The following PDE8B variants were observed in gnomAD, a reference collection of about 807,000 sequenced individuals.
PDE8B encodes phosphodiesterase 8B, also known as high affinity cAMP-specific and IBMX-insensitive 3',5'-cyclic phosphodiesterase 8B.
In PDE8B, 26 loss-of-function variants were observed where a neutral mutation model predicts 101.3. That is an observed-to-expected ratio of 0.26 (90% CI 0.19 to 0.36). PDE8B has a LOEUF of 0.36. Ranked by LOEUF, PDE8B falls within the 10% of genes least tolerant of loss-of-function variation. The pLI, the probability that PDE8B is intolerant of heterozygous loss-of-function variation, is 1.00. For missense variants in PDE8B, 810 were observed against 1,163.1 expected (o/e 0.70, Z 4.42); for synonymous variants, 424 against 429.3 (o/e 0.99, Z 0.15).
At chr5:77,334,914 C>T (rs1227456241) in intron 5 of PDE8B, among the ~76,000 whole-genome samples, 3 of 152,186 alleles carry the variant, frequency 2.0e-5, no homozygotes, top group Non-Finnish European at 4.4e-5. Context: ...AACTCAGTTT[C>T]CCCCTCCTCT....
intron 1 of PDE8B, among the ~76,000 whole-genome samples, chr5:77,280,252 C>T (rs1359671131): frequency 1.3e-5 from 2 of 152,174 alleles, no homozygotes; most frequent in East Asian, 3.9e-4. Flanking sequence ...TGCATGGTGT[C>T]TAGCCCTTCT....
the PDE8B span, among the ~76,000 whole-genome samples, chr5:77,169,077 G>A: frequency 3.9e-5 from 6 of 152,208 alleles, no homozygotes; most frequent in Non-Finnish European, 7.3e-5. Flanking sequence ...GAGAGTTGGC[G>A]CAGTGCCAGC....
intron 1 of PDE8B, among the ~76,000 whole-genome samples, chr5:77,217,245 G>A (rs1449221536): frequency 6.6e-6 from 1 of 151,908 alleles, no homozygotes; most frequent in Admixed American, 6.6e-5. Context: ...GTGGAATGGG[G>A]GAGAAAGACC....
chr5:77,364,516 C>T (rs1288059776), intron 10 of PDE8B, among the ~76,000 whole-genome samples: 3 of 152,138 alleles, frequency 2.0e-5, no homozygotes, highest in Admixed American at 6.5e-5. Flanking sequence ...TTCTTCCTTC[C>T]GCTTCTCACC....
chr5:77,290,120 T>TTA (rs1766939077), intron 1 of PDE8B: 3 of 1,044,524 alleles, frequency 2.9e-6, no homozygotes, highest in Middle Eastern at 2.6e-4. Context: ...GGGGTAAGTA[T>TTA]TATTACCCCT....
chr5:77,245,548 G>C (rs115867220), intron 1 of PDE8B, among the ~76,000 whole-genome samples: 5 of 152,290 alleles, frequency 3.3e-5, no homozygotes, highest in South Asian at 4.2e-4. Context: ...AATGAAGTGA[G>C]ATGATTATTA....
chr5:77,227,753 C>A (rs936433557), intron 1 of PDE8B, among the ~76,000 whole-genome samples: 1 of 152,096 alleles, frequency 6.6e-6, no homozygotes, highest in Non-Finnish European at 1.5e-5. Context: ...AACTTTGGGG[C>A]AGACTGGTTC....
chr5:77,355,005 G>A (rs979593873), intron 10 of PDE8B, among the ~76,000 whole-genome samples: 1 of 152,228 alleles, frequency 6.6e-6, no homozygotes, highest in Admixed American at 6.5e-5. Flanking sequence ...ACTGGTCTGT[G>A]CTGTCCTTGT....
chr5:77,409,081 A>G lies in PDE8B; in HGVS notation c.1530+24A>G, dbSNP rs114544398. ...CTGTGAGTGATGAGGCAAAACCTGA[A>G]AAGCAAGAGAGGTATCCGGGGCCTC... On this transcript the variant is annotated intron_variant, in intron 14 of 21. Coordinates refer to ENST00000264917, the MANE Select transcript of PDE8B (RefSeq NM_003719.5). 1.1e-3 allele frequency: 1,776 copies of G among 1,609,322 alleles called. 19 individuals carry two copies. The African/African-American group carries it at 0.021, about 19-fold the overall frequency.
intron 10 of PDE8B, among the ~76,000 whole-genome samples, chr5:77,398,463 C>T (rs1329680976): frequency 6.6e-6 from 1 of 151,900 alleles, no homozygotes; most frequent in African/African-American, 2.4e-5. Context: ...GCTGGGACTA[C>T]AGGCGCCCGC....
At chr5:77,408,581 T>C (rs1657607459) in intron 13 of PDE8B, among the ~76,000 whole-genome samples, 1 of 152,110 alleles carries the variant, frequency 6.6e-6, no homozygotes, top group Non-Finnish European at 1.5e-5. Flanking sequence ...AAAATATCAT[T>C]TCTGGAAGCG....
chr5:77,116,453 T>G, the PDE8B span, among the ~76,000 whole-genome samples: 1 of 151,986 alleles, frequency 6.6e-6, no homozygotes, highest in South Asian at 2.1e-4. Flanking sequence ...TGTCGTCCAG[T>G]CTGGTCTTGA....
At chr5:77,098,409 A>G in the PDE8B span, among the ~76,000 whole-genome samples, 1 of 152,008 alleles carries the variant, frequency 6.6e-6, no homozygotes, top group Non-Finnish European at 1.5e-5. Flanking sequence ...TCAGCCTCCC[A>G]AGCAGCTGGG....
chr5:77,103,692 A>G, the PDE8B span, among the ~76,000 whole-genome samples: 41 of 152,112 alleles, frequency 2.7e-4, no homozygotes, highest in African/African-American at 9.9e-4. Flanking sequence ...GTGATGAGGG[A>G]AGGATGGGCA....
At chr5:77,385,068 C>T (rs763769320) in intron 10 of PDE8B, among the ~76,000 whole-genome samples, 2 of 152,048 alleles carry the variant, frequency 1.3e-5, no homozygotes, top group Non-Finnish European at 2.9e-5. Flanking sequence ...CTCTTTGTAC[C>T]TTTGGTAGAA....
At chr5:77,416,466 G>C (rs1280127818) in intron 17 of PDE8B, among the ~76,000 whole-genome samples, 1 of 152,184 alleles carries the variant, frequency 6.6e-6, no homozygotes, top group African/African-American at 2.4e-5. Flanking sequence ...GTGCCTGCAG[G>C]TGACCGTGGC....
chr5:77,267,379 G>A (rs1238859645), intron 1 of PDE8B, among the ~76,000 whole-genome samples: 8 of 151,346 alleles, frequency 5.3e-5, no homozygotes, highest in Non-Finnish European at 7.4e-5. Context: ...GGCGGAGGTC[G>A]CAGTAAGCCA....
At chr5:77,092,950 A>G in the PDE8B span, among the ~76,000 whole-genome samples, 8 of 152,136 alleles carry the variant, frequency 5.3e-5, no homozygotes. Flanking sequence ...TGAGAAAAAT[A>G]TTTATCAAGA....
chr5:77,219,995 C>T (rs545286610), intron 1 of PDE8B, among the ~76,000 whole-genome samples: 13 of 152,334 alleles, frequency 8.5e-5, no homozygotes, highest in Middle Eastern at 3.4e-3. Flanking sequence ...CACACACCTG[C>T]TCTAGGAAGT....
Sources: allele counts gnomAD v4.1 joint callset (sites outside exome capture counted in the v4.1 genomes callset), GRCh38; gene constraint gnomAD v4.1.1; transcripts MANE v1.5; gene names NCBI Gene and HGNC (gene_info 2026-07-23, HGNC 2026-07-21).